OR5AS1: variants seen among roughly 807,000 people sequenced by gnomAD.
OR5AS1 encodes olfactory receptor 5AS1.
For missense variants in OR5AS1, 492 were observed against 378.2 expected (o/e 1.30, Z -2.50); for synonymous variants, 196 against 141.7 (o/e 1.38, Z -2.72).
chr11:56,028,914 A>G (rs1853320741), intron 1 of OR5AS1, among the ~76,000 whole-genome samples: 1 of 152,106 alleles, frequency 6.6e-6, no homozygotes, highest in Non-Finnish European at 1.5e-5. Flanking sequence ...GAGAAAATAT[A>G]CATCCAGTTG....
chr11:56,031,414 A>G lies in OR5AS1; in HGVS notation c.*21A>G, dbSNP rs944447410. 5 of 1,437,578 alleles carry G rather than the reference A, an allele frequency of 3.5e-6. No individual in the cohort carries two copies. Among genetic ancestry groups the G allele is most frequent in the Non-Finnish European group, 4.7e-6 (5 of 1,074,940 alleles). 89.1% of individuals were successfully genotyped at this position (1,437,578 alleles called of 1,614,324 possible). ...TCTAACTTACCCTTCCAATCTCATA[A>G]ACAGCAATTATGCCATGAACATCTT... On this transcript the variant is annotated 3_prime_UTR_variant, in exon 2 of 2. Transcript: ENST00000641320.
intron 1 of OR5AS1, among the ~76,000 whole-genome samples, chr11:56,029,584 A>G (rs1853327321): frequency 1.3e-5 from 2 of 152,004 alleles, no homozygotes; most frequent in South Asian, 2.1e-4. Flanking sequence ...CAAATAATGC[A>G]TCTATGATGT....
In OR5AS1 at chr11:56,034,788, GCAACCCCCAGA is replaced by G. The variant is rs1446847909; in HGVS notation, c.*3398_*3408del. On this transcript the variant is annotated 3_prime_UTR_variant, in exon 2 of 2. Transcript: ENST00000641320. ...ACCACAAAGATACACCTCAAGAAGA[GCAACCCCCAGA>G]CACATAATCATCAGATTCACCAAGG... The G allele has an allele frequency of 1.3e-5, 2 of 151,926 alleles. No homozygotes were observed. The highest frequency in any genetic ancestry group is 2.9e-5 in the Non-Finnish European group (2 of 67,998). 9.4% of individuals were successfully genotyped at this position (151,926 alleles called of 1,614,324 possible).
rs1489224219 is a variant in OR5AS1 at position 56,030,995 on chromosome 11, C to G, written c.577C>G (p.Gln193Glu). The G allele has an allele frequency of 2.5e-6, 4 of 1,614,140 alleles. No individual in the cohort carries two copies. The East Asian group carries it at 6.7e-5, about 27-fold the overall frequency. Reference protein sequence around the residue: ...PLLALSCTDTQINQLLLFALC... With the variant: ...PLLALSCTDTEINQLLLFALC... ...TCTGGCTTTATCATGTACAGACACT[C>G]AGATCAACCAGCTTCTGCTCTTTGC... The change falls in exon 2 of 2, where the codon CAG (glutamine) becomes GAG (glutamate). Residue 193 changes from glutamine to glutamate, a missense_variant. Physicochemically the swap from Gln to Glu is conservative, Grantham distance 29. Transcript: ENST00000641320.
chr11:56,035,022 G>A lies in OR5AS1; in HGVS notation c.*3629G>A, dbSNP rs1000450315. On this transcript the variant is annotated 3_prime_UTR_variant, in exon 2 of 2. Coordinates refer to ENST00000641320, the MANE Select transcript of OR5AS1 (RefSeq NM_001001921.2). Reference sequence around the variant, plus strand: ...AGAGTTTCATATTCAGCCAAACTAAGCTTCATGAGTGGAGGGAAATAAAAT... The same window carrying A: ...AGAGTTTCATATTCAGCCAAACTAAACTTCATGAGTGGAGGGAAATAAAAT... The A allele has an allele frequency of 2.0e-5, 3 of 152,128 alleles. No individual in the cohort carries two copies. Among genetic ancestry groups the A allele is most frequent in the African/African-American group, 7.2e-5 (3 of 41,390 alleles). 9.4% of individuals were successfully genotyped at this position (152,128 alleles called of 1,614,324 possible). A position where few individuals can be genotyped will look rare whatever the true frequency, so the allele number is the denominator to read the frequency against.
rs776446374 is a variant in OR5AS1, at chr11:56,030,856, G to A, written c.438G>A (p.Val146=). The change falls in exon 2 of 2, where the codon GTG becomes GTA. Residue 146 remains valine, a synonymous_variant. Coordinates refer to ENST00000641320, the MANE Select transcript of OR5AS1 (RefSeq NM_001001921.2). The part of the protein sequence containing the change: ...MSRRVCVCFI[V]LAYFSGSTTS... ...GGAGAGTCTGTGTCTGCTTCATTGT[G>A]TTGGCATATTTCAGTGGAAGTACAA... is the stretch of plus-strand genomic sequence containing the variant. 1.9e-6 allele frequency: 3 copies of A among 1,614,038 alleles called. No individual in the cohort carries two copies. The highest frequency in any genetic ancestry group is 2.2e-5 in the South Asian group (2 of 91,082).
intron 1 of OR5AS1, among the ~76,000 whole-genome samples, chr11:56,028,425 T>C (rs372273910): frequency 2.4e-4 from 36 of 152,260 alleles, no homozygotes; most frequent in African/African-American, 7.7e-4. Flanking sequence ...CTCAGCACAA[T>C]GCCATTTGTA....
In OR5AS1 at chr11:56,036,985, C is replaced by G. The variant is rs1853412399; in HGVS notation, c.*5592C>G. 6.6e-6 allele frequency: 1 copy of G among 152,072 alleles called. No individual in the cohort carries two copies. Among genetic ancestry groups the G allele is most frequent in the Non-Finnish European group, 1.5e-5 (1 of 68,010 alleles). The allele number at this position is 152,072 out of a possible 1,614,324, so 9.4% of individuals were successfully genotyped here. ...ACATACGCAAATCAATAAACGTAACCCATCTCATAAACAGAACCAATGACA... is the reference window on the plus strand; with the variant it reads ...ACATACGCAAATCAATAAACGTAACGCATCTCATAAACAGAACCAATGACA... On this transcript the variant is annotated 3_prime_UTR_variant, in exon 2 of 2. Transcript: ENST00000641320.
rs1340660686 is a variant in OR5AS1 at position 56,032,926 on chromosome 11, G to T, written c.*1533G>T. ...TTCTGCATTTCCAACTGAGGTACCT[G>T]GCTCATCTCATTGGGACTGGTTAGA... On this transcript the variant is annotated 3_prime_UTR_variant, in exon 2 of 2. Transcript: ENST00000641320. 6.6e-6 allele frequency: 1 copy of T among 152,190 alleles called. No homozygotes were observed. The highest frequency in any genetic ancestry group is 1.5e-5 in the Non-Finnish European group (1 of 68,142). The allele number at this position is 152,190 out of a possible 1,614,324, so 9.4% of individuals were successfully genotyped here.
At position 56,030,418 on chromosome 11, in the gene OR5AS1, G is replaced by A; in HGVS notation, c.-1G>A. 1 of 1,444,184 alleles carries A rather than the reference G, an allele frequency of 6.9e-7. No individual in the cohort carries two copies. The highest frequency in any genetic ancestry group is 9.1e-7 in the Non-Finnish European group (1 of 1,094,898). 89.5% of individuals were successfully genotyped at this position (1,444,184 alleles called of 1,614,324 possible). ...CCAGTGGGAAAAACAAGAAAACTAA[G>A]ATGTTGGAGAGTAATTACACCATGC... is the stretch of plus-strand genomic sequence containing the variant. On this transcript the variant is annotated 5_prime_UTR_variant, in exon 2 of 2. Coordinates refer to ENST00000641320, the MANE Select transcript of OR5AS1 (RefSeq NM_001001921.2).
chr11:56,033,571 T>C lies in OR5AS1; in HGVS notation c.*2178T>C, dbSNP rs1435046897. ...AAAACCTCTGTAGCCAGACTGCCTC[T>C]CTAGATTCCTCCTCTCTGGGCAGGG... On this transcript the variant is annotated 3_prime_UTR_variant, in exon 2 of 2. Transcript: ENST00000641320. 3.9e-5 allele frequency: 6 copies of C among 152,224 alleles called. No homozygotes were observed. Among genetic ancestry groups the C allele is most frequent in the Admixed American group, 2.6e-4 (4 of 15,270 alleles). The allele number at this position is 152,224 out of a possible 1,614,324, so 9.4% of individuals were successfully genotyped here.
rs1853350577 is a variant in OR5AS1, at chr11:56,031,406, A to G, written c.*13A>G. 2 of 1,465,340 alleles carry G rather than the reference A, an allele frequency of 1.4e-6. No homozygotes were observed. The highest frequency in any genetic ancestry group is 1.4e-5 in the African/African-American group (1 of 70,790). 90.8% of individuals were successfully genotyped at this position (1,465,340 alleles called of 1,614,324 possible). A position where few individuals can be genotyped will look rare whatever the true frequency, so the allele number is the denominator to read the frequency against. ...AGTCAATATCTAACTTACCCTTCCA[A>G]TCTCATAAACAGCAATTATGCCATG... On this transcript the variant is annotated 3_prime_UTR_variant, in exon 2 of 2. Transcript: ENST00000641320.
In OR5AS1 at chr11:56,033,116, C is replaced by G. The variant is rs67930054; in HGVS notation, c.*1723C>G. 9,160 of 152,328 alleles carry G rather than the reference C, an allele frequency of 0.06. 381 individuals carry two copies. The highest frequency in any genetic ancestry group is 0.084 in the Non-Finnish European group (5,735 of 68,182). The allele number at this position is 152,328 out of a possible 1,614,324, so 9.4% of individuals were successfully genotyped here. On this transcript the variant is annotated 3_prime_UTR_variant, in exon 2 of 2. Transcript: ENST00000641320. ...GGCCCAGATACTATGCTTTTCCCAT[C>G]GTCTTCACAACACACGGACCAGGAG...
chr11:56,031,937 A>G lies in OR5AS1; in HGVS notation c.*544A>G, dbSNP rs1355707786. ...GATGGAGGGATGGATAGATGGATAG[A>G]TAGATGAATGACTGGGAAAATACAG... On this transcript the variant is annotated 3_prime_UTR_variant, in exon 2 of 2. Transcript: ENST00000641320. The G allele has an allele frequency of 1.3e-5, 2 of 152,364 alleles. No homozygotes were observed. The highest frequency in any genetic ancestry group is 2.9e-5 in the Non-Finnish European group (2 of 68,206). The allele number at this position is 152,364 out of a possible 1,614,324, so 9.4% of individuals were successfully genotyped here. A position where few individuals can be genotyped will look rare whatever the true frequency, so the allele number is the denominator to read the frequency against.
chr11:56,028,202 TATA>T (rs1328843032), intron 1 of OR5AS1, among the ~76,000 whole-genome samples: 2 of 151,902 alleles, frequency 1.3e-5, no homozygotes, highest in East Asian at 1.9e-4. Context: ...AATTATAATA[TATA>T]ATAACATACA....
At position 56,031,478 on chromosome 11, in the gene OR5AS1, T is replaced by C. The variant is rs553121697; in HGVS notation, c.*85T>C. The C allele has an allele frequency of 8.6e-6, 9 of 1,048,686 alleles. No individual in the cohort carries two copies. The highest frequency in any genetic ancestry group is 1.1e-5 in the Non-Finnish European group (8 of 728,674). 65.0% of individuals were successfully genotyped at this position (1,048,686 alleles called of 1,614,324 possible). On this transcript the variant is annotated 3_prime_UTR_variant, in exon 2 of 2. Transcript: ENST00000641320. ...TTTAAATTTATCACATTTTCAGAAA[T>C]AAAGATAACTTGTTATACTCAGTGC...
rs142880187 is a variant in OR5AS1, at chr11:56,030,917, T to A, written c.499T>A (p.Ser167Thr). The change falls in exon 2 of 2, where the codon TCA becomes ACA. Residue 167 changes from serine to threonine, a missense_variant. Transcript: ENST00000641320. ...LVHVCLTFRL[S>T]FCGSNIVNHF... is the part of the protein sequence containing the mutation. ...CCATGTGTGCCTCACATTCAGGCTG[T>A]CATTTTGTGGCTCCAATATCGTCAA... 3.7e-5 allele frequency: 60 copies of A among 1,614,172 alleles called. No homozygotes were observed. In the African/African-American group the frequency reaches 6.4e-4, roughly 17 times the overall value.
Position 56,036,791 on chromosome 11 carries a change from A to G in OR5AS1, c.*5398A>G, listed in dbSNP as rs958083858. 6.6e-6 allele frequency: 1 copy of G among 152,102 alleles called. No individual in the cohort carries two copies. Among genetic ancestry groups the G allele is most frequent in the African/African-American group, 2.4e-5 (1 of 41,372 alleles). The allele number at this position is 152,102 out of a possible 1,614,324, so 9.4% of individuals were successfully genotyped here. On this transcript the variant is annotated 3_prime_UTR_variant, in exon 2 of 2. Transcript: ENST00000641320. ...TTTATGCGGCCAGCATCATCCTGAT[A>G]TGAAAACCTGGCAGAGACACAGCAA...
chr11:56,030,256 T>C (rs1272481952), intron 1 of OR5AS1, 135 bp from the exon 2 acceptor site: 14 of 360,094 alleles, frequency 3.9e-5, no homozygotes, highest in Non-Finnish European at 7.1e-5. Flanking sequence ...AATGACAAAA[T>C]CAAAATCAAA....
Sources: gnomAD v4.1 joint callset for allele counts (sites outside exome capture counted in the v4.1 genomes callset) on GRCh38, gnomAD v4.1.1 for gene constraint, MANE v1.5 for transcripts, NCBI Gene and HGNC (gene_info 2026-07-23, HGNC 2026-07-21) for gene names.